The following EPB41L4A variants were observed in gnomAD, a reference collection of about 807,000 sequenced individuals.
EPB41L4A encodes erythrocyte membrane protein band 4.1 like 4A.
In EPB41L4A, 100 loss-of-function variants were observed where a neutral mutation model predicts 108.6. The observed-to-expected ratio is 0.92, with a 90% CI of 0.78 to 1.09. EPB41L4A has a LOEUF of 1.09. Ranked by LOEUF, EPB41L4A falls within the 50% of genes least tolerant of loss-of-function variation. The pLI, the probability that EPB41L4A is intolerant of heterozygous loss-of-function variation, is 0.00. For synonymous variants in EPB41L4A, 319 were observed against 289.0 expected, an observed-to-expected ratio of 1.10 and a Z score of -1.05; for missense variants, 1,030 against 842.7, an observed-to-expected ratio of 1.22 and a Z score of -2.75.
intron 3 of EPB41L4A, among the ~76,000 whole-genome samples, chr5:112,279,700 AATTAAG>A (rs1354751812): frequency 1.3e-5 from 2 of 152,178 alleles, no homozygotes; most frequent in African/African-American, 4.8e-5. Context: ...GGGTTCTGGA[AATTAAG>A]ATTAAGGAAT....
At chr5:112,357,971 C>G (rs746181833) in intron 1 of EPB41L4A, among the ~76,000 whole-genome samples, 1 of 152,354 alleles carries the variant, frequency 6.6e-6, no homozygotes, top group East Asian at 1.9e-4. Flanking sequence ...TCAGTCACAC[C>G]GGTCTTCCTC....
rs1357670187 is a variant in EPB41L4A, at chr5:112,168,744, G to A, written c.1927C>T (p.His643Tyr). The change falls in exon 22 of 23, where the codon CAT becomes TAT. Residue 643 changes from histidine (H) to tyrosine (Y), a missense_variant. His to Tyr is a moderately conservative substitution (Grantham distance 83). Transcript: ENST00000261486. ...CAAACCTTACTATTACTAACCTGAT[G>A]AACTGTAGCATCCCCAGAACCCTGA... ...DAQGSGDATV[H>Y]QRRNGSKDSL... is the part of the protein sequence containing the mutation. The A allele has an allele frequency of 6.2e-7, 1 of 1,612,284 alleles. No individual in the cohort carries two copies. The highest frequency in any genetic ancestry group is 1.3e-5 in the African/African-American group (1 of 74,970).
intron 4 of EPB41L4A, among the ~76,000 whole-genome samples, chr5:112,268,809 C>A (rs1193138355): frequency 7.3e-6 from 1 of 136,726 alleles, no homozygotes; most frequent in Non-Finnish European, 1.5e-5. Flanking sequence ...CACCACTGCA[C>A]TCCAGCCTGG....
chr5:112,190,945 G>A lies in EPB41L4A; in HGVS notation c.1502+3623C>T, dbSNP rs371045816. Among the ~76,000 whole-genome samples, 40 of 152,132 alleles carry A rather than the reference G, an allele frequency of 2.6e-4. No individual in the cohort carries two copies. In the East Asian group the frequency reaches 3.9e-3, roughly 15 times the overall value. On this transcript the variant is annotated intron_variant, in intron 17 of 22. Transcript: ENST00000261486. ...GAAAGGAACTGGGTGAGAATAATAT[G>A]ATATAAAAAGTGAAAAGTGAAGCAA...
chr5:112,317,474 T>C (rs776008674), intron 1 of EPB41L4A, among the ~76,000 whole-genome samples: 1 of 152,212 alleles, frequency 6.6e-6, no homozygotes, highest in Non-Finnish European at 1.5e-5. Flanking sequence ...AATATCTAAC[T>C]TAAAATCCTG....
intron 1 of EPB41L4A, among the ~76,000 whole-genome samples, chr5:112,416,876 A>G (rs1762745696): frequency 6.6e-6 from 1 of 152,178 alleles, no homozygotes; most frequent in Admixed American, 6.5e-5. Context: ...AATATATTTA[A>G]TTTAGTACAC....
At chr5:112,397,783 A>G (rs1328606706) in intron 1 of EPB41L4A, among the ~76,000 whole-genome samples, 3 of 152,186 alleles carry the variant, frequency 2.0e-5, no homozygotes, top group East Asian at 3.9e-4. Context: ...ATTATTCCCC[A>G]TTTTTTATAT....
In EPB41L4A at chr5:112,265,013, T is replaced by A. The variant is rs186368402; in HGVS notation, c.437A>T (p.Glu146Val). 1 of 1,568,432 alleles carries A rather than the reference T, an allele frequency of 6.4e-7. No homozygotes were observed. Among genetic ancestry groups the A allele is most frequent in the Non-Finnish European group, 8.6e-7 (1 of 1,162,524 alleles). The change falls in exon 6 of 23, where the codon GAG becomes GTG. Residue 146 changes from glutamate (E) to valine (V), a missense_variant. Coordinates refer to ENST00000261486, the MANE Select transcript of EPB41L4A (RefSeq NM_022140.5). The stretch of plus-strand genomic sequence containing the variant: ...TTTATATGGGTCATAATCTCCAAGC[T>A]CCGCTAAAAAAGAAAGATAACATAG... ...AQLGAYAIQS[E>V]LGDYDPYKHT...
At chr5:112,166,540 C>T (rs2150192065) in intron 22 of EPB41L4A, among the ~76,000 whole-genome samples, 1 of 151,588 alleles carries the variant, frequency 6.6e-6, no homozygotes, top group African/African-American at 2.4e-5. Context: ...GCTAGCTCCT[C>T]ACCTGCCAGG....
chr5:112,196,721 G>A (rs545795252), intron 15 of EPB41L4A: 2 of 152,358 alleles, frequency 1.3e-5, no homozygotes, highest in African/African-American at 2.4e-5. Context: ...CTAAACAGCT[G>A]GCTGAGCAGT....
At chr5:112,304,436 G>T (rs1048773140) in intron 2 of EPB41L4A, among the ~76,000 whole-genome samples, 1 of 152,150 alleles carries the variant, frequency 6.6e-6, no homozygotes, top group Non-Finnish European at 1.5e-5. Context: ...GATCAAGAAC[G>T]AACCTGACTG....
intron 2 of EPB41L4A, among the ~76,000 whole-genome samples, chr5:112,297,113 G>A (rs1405407198): frequency 6.6e-6 from 1 of 152,104 alleles, no homozygotes; most frequent in Non-Finnish European, 1.5e-5. Context: ...GGGTGTGCAA[G>A]TATCTTTTTC....
chr5:112,349,175 T>C (rs1244792579), intron 1 of EPB41L4A, among the ~76,000 whole-genome samples: 3 of 152,122 alleles, frequency 2.0e-5, no homozygotes, highest in African/African-American at 7.2e-5. Flanking sequence ...AGAAAACAGT[T>C]TAAAAATGTT....
At chr5:112,402,257 C>G (rs146034788) in intron 1 of EPB41L4A, among the ~76,000 whole-genome samples, 1 of 152,156 alleles carries the variant, frequency 6.6e-6, no homozygotes, top group Non-Finnish European at 1.5e-5. Flanking sequence ...TCCCCCTCAC[C>G]TTCCACCACG....
chr5:112,297,019 A>C lies in EPB41L4A; in HGVS notation c.204+10367T>G, dbSNP rs546299057. Among the ~76,000 whole-genome samples the C allele has an allele frequency of 3.0e-4, 44 of 146,250 alleles. No individual in the cohort carries two copies. In the South Asian group the frequency reaches 4.1e-3, roughly 14 times the overall value. Reference sequence around the variant, plus strand: ...CACACACACACACACACACACACACACCACAGTTTATCCACTCGTTGACTG... The same window carrying C: ...CACACACACACACACACACACACACCCCACAGTTTATCCACTCGTTGACTG... On this transcript the variant is annotated intron_variant, in intron 2 of 22. Coordinates refer to ENST00000261486, the MANE Select transcript of EPB41L4A (RefSeq NM_022140.5).
At chr5:112,267,541 C>T (rs78608740) in intron 4 of EPB41L4A, among the ~76,000 whole-genome samples, 3,007 of 152,252 alleles carry the variant, frequency 0.02, 92 homozygotes, top group African/African-American at 0.069. Flanking sequence ...CTTCAGATGT[C>T]CACGTAAAAT....
At position 112,164,957 on chromosome 5, in the gene EPB41L4A, C is replaced by G; in HGVS notation, c.*33G>C. The stretch of plus-strand genomic sequence containing the variant: ...CAAAAGTACCAGTGGCGCACACAAC[C>G]TTCCCACCCCTACCCTTGACCCTTC... On this transcript the variant is annotated 3_prime_UTR_variant, in exon 23 of 23. Transcript: ENST00000261486. 1 of 1,566,960 alleles carries G rather than the reference C, an allele frequency of 6.4e-7. No homozygotes were observed. The highest frequency in any genetic ancestry group is 8.6e-7 in the Non-Finnish European group (1 of 1,160,932).
chr5:112,411,703 A>T (rs1336866205), intron 1 of EPB41L4A, among the ~76,000 whole-genome samples: 1 of 152,154 alleles, frequency 6.6e-6, no homozygotes, highest in East Asian at 1.9e-4. Flanking sequence ...AACACAGGAC[A>T]GGGAGCAGGG....
At chr5:112,302,006 A>C (rs1561552814) in intron 2 of EPB41L4A, among the ~76,000 whole-genome samples, 1 of 152,140 alleles carries the variant, frequency 6.6e-6, no homozygotes, top group Non-Finnish European at 1.5e-5. Flanking sequence ...GATTTTTAAA[A>C]AAGAGCTTGT....
Sources: gnomAD v4.1 joint callset for allele counts (sites outside exome capture counted in the v4.1 genomes callset) on GRCh38, gnomAD v4.1.1 for gene constraint, MANE v1.5 for transcripts, NCBI Gene and HGNC (gene_info 2026-07-23, HGNC 2026-07-21) for gene names.